THSD7B: variants seen among roughly 807,000 people sequenced by gnomAD.
The protein encoded by THSD7B is thrombospondin type 1 domain containing 7B.
Under a neutral mutation model 213.6 loss-of-function variants are expected in THSD7B, and 138 were observed. That is an observed-to-expected ratio of 0.65 (90% confidence interval 0.56 to 0.74). The LOEUF is 0.74. THSD7B is among the 30% of genes least tolerant of loss of function. THSD7B has a pLI of 0.00. For synonymous variants in THSD7B, 742 were observed against 687.0 expected, an observed-to-expected ratio of 1.08 and a Z score of -1.25; for missense variants, 1,931 against 1,991.5, an observed-to-expected ratio of 0.97 and a Z score of 0.58.
At chr2:137,357,211 A>C (rs1228130904) in intron 12 of THSD7B, among the ~76,000 whole-genome samples, 1 of 152,186 alleles carries the variant, frequency 6.6e-6, no homozygotes, top group Admixed American at 6.5e-5. Context: ...AATAAATTTT[A>C]AACGAATTAA....
At chr2:137,273,351 TC>T in intron 11 of THSD7B, among the ~76,000 whole-genome samples, 1 of 152,094 alleles carries the variant, frequency 6.6e-6, no homozygotes, top group East Asian at 1.9e-4. Context: ...ATAATAGGTT[TC>T]TTTGCTTACT....
At position 137,204,164 on chromosome 2, in the gene THSD7B, G is replaced by A. The variant is rs185471770; in HGVS notation, c.1724-26880G>A. ...ATCTGTTACATGGCACCTGGAGTGG[G>A]CACCATGGAAAAAAATTCCCAATAT... is the stretch of plus-strand genomic sequence containing the variant. On this transcript the variant is annotated intron_variant, in intron 7 of 27. Transcript: ENST00000409968. Among the ~76,000 whole-genome samples, 391 of 152,092 alleles carry A rather than the reference G, an allele frequency of 2.6e-3. 1 individual carries two copies. Among genetic ancestry groups the A allele is most frequent in the African/African-American group, 9.0e-3 (374 of 41,522 alleles).
chr2:137,643,265 C>T (rs1445306179), intron 21 of THSD7B, among the ~76,000 whole-genome samples: 3 of 152,178 alleles, frequency 2.0e-5, no homozygotes, highest in Admixed American at 6.5e-5. Context: ...AGAAATAGCA[C>T]ATTGTTTTTC....
At chr2:136,909,475 G>A (rs1039035080) in intron 2 of THSD7B, among the ~76,000 whole-genome samples, 2 of 152,148 alleles carry the variant, frequency 1.3e-5, no homozygotes, top group Non-Finnish European at 2.9e-5. Flanking sequence ...ATACATCTTT[G>A]TGCAATAGTT....
intron 24 of THSD7B, 78 bp from the exon 25 acceptor site, chr2:137,659,586 C>T: frequency 7.5e-7 from 1 of 1,339,734 alleles, no homozygotes; most frequent in Non-Finnish European, 1.0e-6. Flanking sequence ...GCCGGTGGCA[C>T]AGGTTAAAAA....
At chr2:137,075,442 C>T (rs1019296850) in intron 3 of THSD7B, among the ~76,000 whole-genome samples, 7 of 152,184 alleles carry the variant, frequency 4.6e-5, no homozygotes, top group Non-Finnish European at 1.0e-4. Flanking sequence ...TCCATCAGGT[C>T]CTTTAAGGAC....
chr2:137,643,633 ATGT>A (rs1682976936), intron 21 of THSD7B, among the ~76,000 whole-genome samples: 1 of 152,198 alleles, frequency 6.6e-6, no homozygotes, highest in South Asian at 2.1e-4. Context: ...CAATATTTAA[ATGT>A]TGTTTGGACT....
chr2:137,436,721 A>G (rs1869328), intron 14 of THSD7B, among the ~76,000 whole-genome samples: 12,638 of 152,196 alleles, frequency 0.083, 1,108 homozygotes, highest in African/African-American at 0.22. Context: ...TAATTTACAA[A>G]CAAACCGTAA....
At chr2:137,661,674 A>C (rs2104821987) in intron 25 of THSD7B, among the ~76,000 whole-genome samples, 1 of 152,262 alleles carries the variant, frequency 6.6e-6, no homozygotes, top group Non-Finnish European at 1.5e-5. Context: ...AGCAGGAAAG[A>C]AAGGAAGTAA....
intron 1 of THSD7B, among the ~76,000 whole-genome samples, chr2:136,798,469 C>T (rs1682111901): frequency 6.6e-6 from 1 of 151,670 alleles, no homozygotes; most frequent in South Asian, 2.1e-4. Context: ...AAAGGAGTCA[C>T]TAAAGCATGT....
rs1205159118 is a variant in THSD7B, at chr2:137,232,904, A to AAGCC, written c.1923_1926dup (p.Cys643AlafsTer5). The AAGCC allele has an allele frequency of 6.2e-7, 1 of 1,613,782 alleles. No homozygotes were observed. The highest frequency in any genetic ancestry group is 1.1e-5 in the South Asian group (1 of 91,058). ...TTTGTTCTTATTTTTGGCAGGTGGA[A>AAGCC]AGCCATGTCCCCCTAGTCAGGCTCT... On this transcript the variant is annotated frameshift_variant, in exon 9 of 28. Transcript: ENST00000409968. LOFTEE classifies it high-confidence loss of function.
chr2:137,193,268 T>C (rs1016315370), intron 7 of THSD7B, among the ~76,000 whole-genome samples: 3 of 152,244 alleles, frequency 2.0e-5, no homozygotes, highest in African/African-American at 7.2e-5. Context: ...GATGTGTAAC[T>C]TGTATGAGTG....
chr2:136,813,541 C>A (rs1397915896), intron 1 of THSD7B, among the ~76,000 whole-genome samples: 7 of 152,092 alleles, frequency 4.6e-5, no homozygotes, highest in African/African-American at 1.7e-4. Flanking sequence ...GTTTTTAACT[C>A]CTAATTTGAA....
chr2:136,875,644 A>T (rs1683515350), intron 1 of THSD7B, among the ~76,000 whole-genome samples: 1 of 152,138 alleles, frequency 6.6e-6, no homozygotes, highest in Non-Finnish European at 1.5e-5. Context: ...GGAGCCCCGT[A>T]GTTTCTCCAA....
At chr2:136,810,631 C>A (rs1682359197) in intron 1 of THSD7B, among the ~76,000 whole-genome samples, 1 of 152,234 alleles carries the variant, frequency 6.6e-6, no homozygotes, top group Non-Finnish European at 1.5e-5. Context: ...GGTTGATTCA[C>A]TCTCATGGGT....
In THSD7B at chr2:137,225,489, A is replaced by G. The variant is rs554220442; in HGVS notation, c.1724-5555A>G. On this transcript the variant is annotated intron_variant, in intron 7 of 27. Coordinates refer to ENST00000409968, the MANE Select transcript of THSD7B (RefSeq NM_001316349.2). ...GAAAGCAACACAACCCCAATGGATA[A>G]GAACTGAGCTTATTACATATTGCAG... Among the ~76,000 whole-genome samples, 9 of 152,336 alleles carry G rather than the reference A, an allele frequency of 5.9e-5. No homozygotes were observed. In the South Asian group the frequency reaches 1.7e-3, roughly 28 times the overall value.
intron 1 of THSD7B, among the ~76,000 whole-genome samples, chr2:136,827,948 G>A (rs946907230): frequency 2.0e-5 from 3 of 151,900 alleles, no homozygotes; most frequent in African/African-American, 7.2e-5. Flanking sequence ...TTTGAAGAGT[G>A]TGTGTGTGTG....
At chr2:137,672,350 A>G (rs1300431361) in intron 27 of THSD7B, among the ~76,000 whole-genome samples, 1 of 152,088 alleles carries the variant, frequency 6.6e-6, no homozygotes, top group African/African-American at 2.4e-5. Flanking sequence ...GCCTCTCCCT[A>G]GAGTTTGCCT....
chr2:137,308,697 T>A (rs1683816228), intron 12 of THSD7B, among the ~76,000 whole-genome samples: 1 of 152,118 alleles, frequency 6.6e-6, no homozygotes, highest in Non-Finnish European at 1.5e-5. Context: ...TAGAATTCGT[T>A]GAGAAAAAGG....
Sources: allele counts gnomAD v4.1 joint callset (sites outside exome capture counted in the v4.1 genomes callset), GRCh38; gene constraint gnomAD v4.1.1; transcripts MANE v1.5; gene names NCBI Gene and HGNC (gene_info 2026-07-23, HGNC 2026-07-21).